The following NT5C3A variants were observed in gnomAD, a reference collection of about 807,000 sequenced individuals.
NT5C3A encodes the protein 5'-nucleotidase, cytosolic IIIA.
NT5C3A carries 23 observed loss-of-function variants against 40.0 expected under a neutral mutation model. The observed-to-expected ratio is 0.58, with a 90% CI of 0.41 to 0.81. The LOEUF (loss-of-function observed/expected upper bound fraction) is 0.81. Among genes scored for constraint, NT5C3A ranks in the 40% least tolerant of loss-of-function variants. NT5C3A has a pLI of 0.00. For synonymous variants in NT5C3A, 130 were observed against 141.4 expected, an observed-to-expected ratio of 0.92 and a Z score of 0.57; for missense variants, 328 against 403.0, an observed-to-expected ratio of 0.81 and a Z score of 1.59.
rs1284694549 is a variant in NT5C3A at position 33,062,720 on chromosome 7, T to A, written c.-15A>T. On this transcript the variant is annotated 5_prime_UTR_variant, in exon 1 of 9. The change abolishes an upstream ATG in the 5' untranslated region. Coordinates refer to ENST00000610140, the MANE Select transcript of NT5C3A (RefSeq NM_001002010.5). Reference sequence around the variant, plus strand: ...GCGCGGTCCATGGACGGGGCCCTCATGCGCGTCCAAGCAGGAAAAAAACAG... The same window carrying A: ...GCGCGGTCCATGGACGGGGCCCTCAAGCGCGTCCAAGCAGGAAAAAAACAG... 1 of 1,555,130 alleles carries A rather than the reference T, an allele frequency of 6.4e-7. No homozygotes were observed. Among genetic ancestry groups the A allele is most frequent in the African/African-American group, 1.4e-5 (1 of 72,780 alleles).
At chr7:33,049,484 G>GA (rs1787277937) in intron 1 of NT5C3A, among the ~76,000 whole-genome samples, 1 of 151,902 alleles carries the variant, frequency 6.6e-6, no homozygotes, top group Non-Finnish European at 1.5e-5. Context: ...ACTTGTTAAA[G>GA]GAAAAAGATA....
At chr7:33,034,434 C>T (rs557188621) in intron 1 of NT5C3A, among the ~76,000 whole-genome samples, 3 of 151,766 alleles carry the variant, frequency 2.0e-5, no homozygotes, top group South Asian at 2.1e-4. Flanking sequence ...CTTGTGTTCA[C>T]GTAAGTTAAA....
chr7:33,060,745 G>C (rs1787745001), intron 1 of NT5C3A, among the ~76,000 whole-genome samples: 1 of 151,996 alleles, frequency 6.6e-6, no homozygotes, highest in South Asian at 2.1e-4. Context: ...GCAGAGGATG[G>C]GCAGAGCAGA....
chr7:33,033,877 C>CATATATATATATATATATAT (rs1554291562), intron 1 of NT5C3A, among the ~76,000 whole-genome samples: 4 of 125,966 alleles, frequency 3.2e-5, no homozygotes, highest in Non-Finnish European at 6.6e-5. Flanking sequence ...ATATAAAAGA[C>CATATATATATATATATATAT]ATATATATAT....
intron 2 of NT5C3A, 143 bp downstream of exon 2, chr7:33,026,674 A>C (rs1190249809): frequency 1.7e-6 from 1 of 592,152 alleles, no homozygotes; most frequent in African/African-American, 1.9e-5. Flanking sequence ...TTTTTTTTTA[A>C]ATAGAGATGG....
rs181350883 is a variant in NT5C3A, at chr7:33,046,307, T to C, written c.138+16261A>G. ...ATCCCAGCACCTTGGGAAGTCGAGG[T>C]AGAAGGATTGCTTGAGCCCAGGAGT... On this transcript the variant is annotated intron_variant, in intron 1 of 8. Transcript: ENST00000610140. 6.0e-4 allele frequency among the ~76,000 whole-genome samples: 92 copies of C among 152,092 alleles called. No individual in the cohort carries two copies. The East Asian group carries it at 0.017, about 27-fold the overall frequency.
At chr7:33,022,246 C>G in intron 3 of NT5C3A, 147 bp from the exon 4 acceptor site, 1 of 619,010 alleles carries the variant, frequency 1.6e-6, no homozygotes, top group Admixed American at 2.6e-5. Flanking sequence ...AGTCAACTAG[C>G]ATGGTTATTA....
Position 33,021,421 on chromosome 7 carries a change from G to C in NT5C3A, c.355-64C>G. ...GAAAATAAATCTGCTTGGTTTTATA[G>C]AAAGCAAAACAATGTAAACAAGTAT... On this transcript the variant is annotated intron_variant, in intron 4 of 8. Transcript: ENST00000610140. 3 of 1,566,846 alleles carry C rather than the reference G, an allele frequency of 1.9e-6. No individual in the cohort carries two copies. In the South Asian group the frequency reaches 3.5e-5, roughly 18 times the overall value.
Position 33,021,289 on chromosome 7 carries a change from G to A in NT5C3A, c.423C>T (p.Tyr141=). 6.2e-7 allele frequency: 1 copy of A among 1,612,028 alleles called. No homozygotes were observed. Among genetic ancestry groups the A allele is most frequent in the Admixed American group, 1.7e-5 (1 of 59,932 alleles). ...ACACTTACCATTCCACCATATAAGGGTACTTCTCTTCTACAGTAAGAACAG... is the reference window on the plus strand; with the variant it reads ...ACACTTACCATTCCACCATATAAGGATACTTCTCTTCTACAGTAAGAACAG... ...VDPVLTVEEK[Y]PYMVEWYTKS... The change falls in exon 5 of 9, where the codon TAC becomes TAT. Residue 141 remains tyrosine (Y), a synonymous_variant. Transcript: ENST00000610140.
At chr7:33,021,233 A>T (rs775519128) in intron 5 of NT5C3A, 39 bp downstream of exon 5, 14 of 1,579,306 alleles carry the variant, frequency 8.9e-6, no homozygotes, top group East Asian at 6.9e-5. Context: ...TTGTTTTATT[A>T]TTTTTTTTTA....
At chr7:33,019,819 G>C in intron 5 of NT5C3A, 95 bp from the exon 6 acceptor site, 1 of 762,038 alleles carries the variant, frequency 1.3e-6, no homozygotes, top group African/African-American at 1.7e-5. Context: ...GAGAAAATCT[G>C]TTCCTCATAT....
chr7:33,054,064 G>A (rs3082823), intron 1 of NT5C3A, among the ~76,000 whole-genome samples: 110,101 of 151,906 alleles, frequency 0.72, 40,159 homozygotes, highest in African/African-American at 0.79. Flanking sequence ...TGATAATGTT[G>A]AGTTTAATGG....
At chr7:33,042,648 T>G (rs777812962) in intron 1 of NT5C3A, among the ~76,000 whole-genome samples, 1 of 152,240 alleles carries the variant, frequency 6.6e-6, no homozygotes, top group Non-Finnish European at 1.5e-5. Context: ...CAGATCACTT[T>G]CAACAACCAA....
intron 5 of NT5C3A, among the ~76,000 whole-genome samples, chr7:33,020,130 T>C (rs1396208987): frequency 3.9e-5 from 6 of 152,150 alleles, no homozygotes; most frequent in African/African-American, 1.4e-4. Context: ...AGATGCTACT[T>C]AGTGAACAAG....
chr7:33,052,203 G>C, intron 1 of NT5C3A, among the ~76,000 whole-genome samples: 1 of 151,972 alleles, frequency 6.6e-6, no homozygotes, highest in East Asian at 1.9e-4. Flanking sequence ...TGTTAACATA[G>C]CCCGGTACAG....
At chr7:33,037,689 T>C (rs1273625505) in intron 1 of NT5C3A, among the ~76,000 whole-genome samples, 2 of 152,296 alleles carry the variant, frequency 1.3e-5, no homozygotes, top group African/African-American at 4.8e-5. Context: ...CATCTTAGAA[T>C]TGAGTAAACA....
chr7:33,033,319 T>A (rs915892891), intron 1 of NT5C3A, among the ~76,000 whole-genome samples: 1 of 152,198 alleles, frequency 6.6e-6, no homozygotes, highest in Non-Finnish European at 1.5e-5. Context: ...CCCCCACACA[T>A]AGATGATTCT....
chr7:33,039,265 C>T (rs994644474), intron 1 of NT5C3A, among the ~76,000 whole-genome samples: 10 of 152,024 alleles, frequency 6.6e-5, no homozygotes, highest in Admixed American at 6.6e-4. Context: ...TACCTGAATG[C>T]AAACTGATTA....
intron 7 of NT5C3A, among the ~76,000 whole-genome samples, chr7:33,016,675 A>AG: frequency 6.6e-6 from 1 of 151,786 alleles, no homozygotes; most frequent in East Asian, 1.9e-4. Context: ...CTCTCAAAAA[A>AG]AAAAAAAAAA....
Sources: allele counts gnomAD v4.1 joint callset (sites outside exome capture counted in the v4.1 genomes callset), GRCh38; gene constraint gnomAD v4.1.1; transcripts MANE v1.5; gene names NCBI Gene and HGNC (gene_info 2026-07-23, HGNC 2026-07-21).